CYP2U1: variants seen among roughly 807,000 people sequenced by gnomAD.
CYP2U1 encodes cytochrome P450 2U1.
A neutral mutation model predicts 42.8 loss-of-function variants in CYP2U1; 28 were observed. That is an observed-to-expected ratio of 0.65 (90% CI 0.48 to 0.90). CYP2U1 has a LOEUF of 0.90. Ranked by LOEUF, CYP2U1 falls within the 40% of genes least tolerant of loss-of-function variation. The pLI is 0.00. For synonymous variants in CYP2U1, 296 were observed against 278.9 expected, an observed-to-expected ratio of 1.06 and a Z score of -0.61; for missense variants, 642 against 693.8, an observed-to-expected ratio of 0.93 and a Z score of 0.84.
intron 1 of CYP2U1, chr4:107,937,864 T>G (rs1733331312): frequency 6.6e-6 from 1 of 152,238 alleles, no homozygotes; most frequent in African/African-American, 2.4e-5. Flanking sequence ...TTTTCATAAT[T>G]TTAAAAATTG....
chr4:107,947,659 T>C, intron 3 of CYP2U1, 122 bp downstream of exon 3: 1 of 926,094 alleles, frequency 1.1e-6, no homozygotes, highest in South Asian at 1.7e-5. Flanking sequence ...GATTTAGCAT[T>C]GTGTCATATG....
Position 107,950,493 on chromosome 4 carries a change from T to C in CYP2U1, c.*70T>C. On this transcript the variant is annotated 3_prime_UTR_variant, in exon 5 of 5. Transcript: ENST00000332884. ...ATCCTTCTAAGCAGATTCTTCCTAC[T>C]GCAAAGGACAGTGAATCCAGCAACT... The C allele has an allele frequency of 4.8e-6, 7 of 1,454,634 alleles. No individual in the cohort carries two copies. Among genetic ancestry groups the C allele is most frequent in the Non-Finnish European group, 6.4e-6 (7 of 1,094,766 alleles). The allele number at this position is 1,454,634 out of a possible 1,614,324, so 90.1% of individuals were successfully genotyped here.
At chr4:107,944,852 T>TATATATATATATATATATATATA (rs536313224) in intron 1 of CYP2U1, 118 bp from the exon 2 acceptor site, 152 of 100,990 alleles carry the variant, frequency 1.5e-3, no homozygotes, top group East Asian at 3.5e-3. Flanking sequence ...ATATATATAT[T>TATATATATATATATATATATATA]TATATGAGGA....
Position 107,945,270 on chromosome 4 carries a change from A to T in CYP2U1, c.791A>T (p.Asn264Ile). ...TCACGAGGCCTAGAAATCTGTCTGA[A>T]CAGTCAAGTCCTCCTGGTCAACATA... ...FMSRGLEICL[N>I]SQVLLVNICP... Residue 264 changes from asparagine (N) to isoleucine (I), a missense_variant, in exon 2 of 5, where the codon AAC becomes ATC. Transcript: ENST00000332884. The T allele has an allele frequency of 6.2e-7, 1 of 1,614,138 alleles. No homozygotes were observed. Among genetic ancestry groups the T allele is most frequent in the Non-Finnish European group, 8.5e-7 (1 of 1,180,040 alleles).
At chr4:107,938,020 T>A (rs1733338683) in intron 1 of CYP2U1, 1 of 152,250 alleles carries the variant, frequency 6.6e-6, no homozygotes, top group African/African-American at 2.4e-5. Flanking sequence ...GTTGGATTTT[T>A]ATGTTTCCAC....
chr4:107,941,903 G>A (rs1733507882), intron 1 of CYP2U1, among the ~76,000 whole-genome samples: 1 of 152,070 alleles, frequency 6.6e-6, no homozygotes, highest in Non-Finnish European at 1.5e-5. Context: ...TACAGCATGA[G>A]AAAGGAAACT....
intron 3 of CYP2U1, among the ~76,000 whole-genome samples, chr4:107,948,047 C>T (rs1279048289): frequency 6.6e-6 from 1 of 152,128 alleles, no homozygotes; most frequent in Non-Finnish European, 1.5e-5. Flanking sequence ...GCAGGTGGAT[C>T]ACTTGAGGTC....
rs1733947274 is a variant in CYP2U1 at position 107,952,617 on chromosome 4, T to G, written c.*2194T>G. 6.6e-6 allele frequency: 1 copy of G among 152,258 alleles called. No homozygotes were observed. The highest frequency in any genetic ancestry group is 2.4e-5 in the African/African-American group (1 of 41,468). The allele number at this position is 152,258 out of a possible 1,614,324, so 9.4% of individuals were successfully genotyped here. A position where few individuals can be genotyped will look rare whatever the true frequency, so the allele number is the denominator to read the frequency against. The stretch of plus-strand genomic sequence containing the variant: ...ACACCAGATCTCCCTAACCTCTGAC[T>G]TCTGCCGTTAGCCATACTCTGTGTA... On this transcript the variant is annotated 3_prime_UTR_variant, in exon 5 of 5. Coordinates refer to ENST00000332884, the MANE Select transcript of CYP2U1 (RefSeq NM_183075.3).
At chr4:107,942,631 T>C (rs1733538768) in intron 1 of CYP2U1, among the ~76,000 whole-genome samples, 1 of 152,062 alleles carries the variant, frequency 6.6e-6, no homozygotes, top group Admixed American at 6.5e-5. Flanking sequence ...CACCCCTATA[T>C]AGGAAATGTG....
At chr4:107,934,173 CTTTT>C in intron 1 of CYP2U1, among the ~76,000 whole-genome samples, 1 of 141,132 alleles carries the variant, frequency 7.1e-6, no homozygotes, top group African/African-American at 2.6e-5. Flanking sequence ...ACCAACACTT[CTTTT>C]TTTTTTTTTT....
At chr4:107,948,272 A>AAAC (rs1553937800) in intron 3 of CYP2U1, among the ~76,000 whole-genome samples, 4 of 150,050 alleles carry the variant, frequency 2.7e-5, no homozygotes, top group African/African-American at 9.9e-5. Context: ...AAAAAAAAAA[A>AAAC]AAAAAAAAGG....
chr4:107,941,287 A>C (rs1733484883), intron 1 of CYP2U1: 1 of 152,136 alleles, frequency 6.6e-6, no homozygotes, highest in Non-Finnish European at 1.5e-5. Context: ...ATCTACCTTT[A>C]GCAAAAACTT....
intron 2 of CYP2U1, 113 bp from the exon 3 acceptor site, chr4:107,947,263 T>C (rs1199242440): frequency 6.6e-6 from 6 of 902,968 alleles, no homozygotes; most frequent in Admixed American, 2.2e-5. Context: ...GAATCAGGCC[T>C]GAACTGCCAA....
chr4:107,947,311 A>G, intron 2 of CYP2U1, 65 bp from the exon 3 acceptor site: 1 of 1,444,540 alleles, frequency 6.9e-7, no homozygotes, highest in Non-Finnish European at 9.7e-7. Flanking sequence ...GAAAGTATGC[A>G]GAGGAGGGCA....
At chr4:107,941,021 G>GA (rs1733474055) in intron 1 of CYP2U1, 2 of 151,950 alleles carry the variant, frequency 1.3e-5, no homozygotes, top group South Asian at 4.1e-4. Context: ...AGTTCAAAAT[G>GA]AAAAGGTTTT....
chr4:107,931,977 C>T lies in CYP2U1; in HGVS notation c.334C>T (p.Arg112Cys). Residue 112 changes from arginine (R) to cysteine (C), a missense_variant, in exon 1 of 5, where the codon CGC (arginine) becomes TGC (cysteine). Physicochemically the swap from Arg to Cys is radical, Grantham distance 180. Transcript: ENST00000332884. Reference sequence around the variant, plus strand: ...GCAGGTGCTCCTGGCTCACCTAGCCCGCGTGTACGGCAGCATCTTCAGCTT... The same window carrying T: ...GCAGGTGCTCCTGGCTCACCTAGCCTGCGTGTACGGCAGCATCTTCAGCTT... ...GPQVLLAHLA[R>C]VYGSIFSFFI... 4 of 1,552,550 alleles carry T rather than the reference C, an allele frequency of 2.6e-6. No individual in the cohort carries two copies. The highest frequency in any genetic ancestry group is 3.5e-6 in the Non-Finnish European group (4 of 1,147,698).
intron 1 of CYP2U1, among the ~76,000 whole-genome samples, chr4:107,939,912 G>A (rs1733419513): frequency 6.6e-6 from 1 of 152,040 alleles, no homozygotes; most frequent in African/African-American, 2.4e-5. Context: ...AACTCTTGAA[G>A]TGCTTCAACT....
At chr4:107,943,649 G>A (rs1408945886) in intron 1 of CYP2U1, among the ~76,000 whole-genome samples, 1 of 152,236 alleles carries the variant, frequency 6.6e-6, no homozygotes, top group Non-Finnish European at 1.5e-5. Context: ...CTGATAAATT[G>A]TCTGGTATGT....
chr4:107,950,761 A>G lies in CYP2U1; in HGVS notation c.*338A>G. 5.2e-6 allele frequency: 1 copy of G among 191,614 alleles called. No homozygotes were observed. Among genetic ancestry groups the G allele is most frequent in the Non-Finnish European group, 1.1e-5 (1 of 93,252 alleles). The allele number at this position is 191,614 out of a possible 1,614,324, so 11.9% of individuals were successfully genotyped here. A position where few individuals can be genotyped will look rare whatever the true frequency, so the allele number is the denominator to read the frequency against. On this transcript the variant is annotated 3_prime_UTR_variant, in exon 5 of 5. Transcript: ENST00000332884. ...GACATCCCATATGTAAAATGAGAGT[A>G]ATAAAACTTGGCTTCTCTCTACCTC...
Sources: gnomAD v4.1 joint callset for allele counts (sites outside exome capture counted in the v4.1 genomes callset) on GRCh38, gnomAD v4.1.1 for gene constraint, MANE v1.5 for transcripts, NCBI Gene and HGNC (gene_info 2026-07-23, HGNC 2026-07-21) for gene names.